The following CES5A variants were observed in gnomAD, a reference collection of about 807,000 sequenced individuals.
CES5A encodes carboxylesterase 5.
In CES5A, 67 loss-of-function variants were observed where a neutral mutation model predicts 62.9. That is an observed-to-expected ratio of 1.07 (90% CI 0.88 to 1.31). The LOEUF is 1.31. Ranked by LOEUF, CES5A falls within the 50% of genes most tolerant of loss-of-function variation. The pLI is 0.00. For synonymous variants in CES5A, 296 were observed against 280.8 expected, an observed-to-expected ratio of 1.05 and a Z score of -0.54; for missense variants, 748 against 708.5, an observed-to-expected ratio of 1.06 and a Z score of -0.63.
At chr16:55,886,498 T>G (rs1334900541) in intron 1 of CES5A, among the ~76,000 whole-genome samples, 1 of 152,198 alleles carries the variant, frequency 6.6e-6, no homozygotes, top group South Asian at 2.1e-4. Flanking sequence ...TCCTCAGCCA[T>G]GCAGTTCTTG....
At chr16:55,913,441 G>C (rs1328112444) in intron 1 of CES5A, among the ~76,000 whole-genome samples, 1 of 152,186 alleles carries the variant, frequency 6.6e-6, no homozygotes, top group Non-Finnish European at 1.5e-5. Flanking sequence ...CATGACCCCT[G>C]AACTGTAATT....
intron 1 of CES5A, among the ~76,000 whole-genome samples, chr16:55,908,744 G>A (rs757569043): frequency 3.3e-5 from 5 of 152,110 alleles, no homozygotes; most frequent in South Asian, 2.1e-4. Flanking sequence ...TGCAATTCCC[G>A]CAGTTTAGTT....
chr16:55,888,871 G>A (rs181898360), intron 1 of CES5A, among the ~76,000 whole-genome samples: 6 of 152,136 alleles, frequency 3.9e-5, no homozygotes, highest in Admixed American at 1.3e-4. Context: ...CATGCTATTC[G>A]GCCTTTCCCA....
At chr16:55,860,458 T>C (rs1447600546) in intron 7 of CES5A, among the ~76,000 whole-genome samples, 1 of 82,568 alleles carries the variant, frequency 1.2e-5, no homozygotes, top group Non-Finnish European at 2.2e-5. Flanking sequence ...TTGGGGTGTA[T>C]AGCCCAGGAA....
chr16:55,853,858 G>A (rs1162757687), intron 9 of CES5A, among the ~76,000 whole-genome samples: 1 of 152,170 alleles, frequency 6.6e-6, no homozygotes, highest in African/African-American at 2.4e-5. Flanking sequence ...GAAAGGTGTT[G>A]CAGCTCAAAC....
intron 7 of CES5A, 78 bp from the exon 8 acceptor site, chr16:55,859,765 G>A: frequency 7.3e-7 from 1 of 1,367,628 alleles, no homozygotes; most frequent in African/African-American, 1.5e-5. Context: ...CCAAATCCTG[G>A]CCAAGAAAAG....
intron 5 of CES5A, among the ~76,000 whole-genome samples, chr16:55,865,541 A>G (rs1175919726): frequency 3.3e-5 from 5 of 152,242 alleles, no homozygotes; most frequent in Admixed American, 6.5e-5. Context: ...CTCTGCAAAC[A>G]TAAGGCCCTG....
intron 9 of CES5A, among the ~76,000 whole-genome samples, chr16:55,853,253 C>A (rs762618985): frequency 3.9e-5 from 6 of 152,218 alleles, no homozygotes; most frequent in Non-Finnish European, 8.8e-5. Flanking sequence ...AACCATGATT[C>A]TTTCACAAGT....
chr16:55,919,639 A>G (rs933148877), intron 1 of CES5A, among the ~76,000 whole-genome samples: 1 of 152,236 alleles, frequency 6.6e-6, no homozygotes, highest in Non-Finnish European at 1.5e-5. Context: ...AACCTTTGTG[A>G]ATGATTTTCT....
intron 1 of CES5A, among the ~76,000 whole-genome samples, chr16:55,887,981 AT>A (rs1214536004): frequency 6.6e-6 from 1 of 152,042 alleles, no homozygotes; most frequent in Non-Finnish European, 1.5e-5. Flanking sequence ...CTAACTTGCA[AT>A]TTTTCTATCA....
intron 1 of CES5A, among the ~76,000 whole-genome samples, chr16:55,900,483 C>G (rs894178549): frequency 3.3e-5 from 5 of 152,114 alleles, no homozygotes; most frequent in African/African-American, 9.7e-5. Context: ...GCCTTTCACT[C>G]TAAAAGAATG....
intron 1 of CES5A, among the ~76,000 whole-genome samples, chr16:55,874,846 A>C (rs2033664894): frequency 6.6e-6 from 1 of 152,200 alleles, no homozygotes; most frequent in Admixed American, 6.5e-5. Flanking sequence ...CGCAGCCAGG[A>C]GTGCAGAAGC....
intron 1 of CES5A, among the ~76,000 whole-genome samples, chr16:55,889,508 A>G (rs2033852500): frequency 6.6e-6 from 1 of 152,176 alleles, no homozygotes. Context: ...TACAAAGGAT[A>G]CAAGTGAACA....
intron 7 of CES5A, among the ~76,000 whole-genome samples, chr16:55,859,902 G>A (rs1485641684): frequency 6.6e-6 from 1 of 152,164 alleles, no homozygotes; most frequent in Non-Finnish European, 1.5e-5. Context: ...ACTTGTCTGT[G>A]CCTTATTTTC....
At chr16:55,928,193 A>G (rs2034277430), upstream of CES5A, among the ~76,000 whole-genome samples, 1 of 152,118 alleles carries the variant, frequency 6.6e-6, no homozygotes, top group African/African-American at 2.4e-5. Context: ...CAGTGAGCCA[A>G]GATCGAGCCA....
Position 55,899,333 on chromosome 16 carries a change from G to A in CES5A, c.-255-25296C>T, listed in dbSNP as rs112433720. ...GGCTTCCTGGATAAGGTTTCCAAAT[G>A]AGAATGGCTAGAAAAGCACCTTGCC... On this transcript the variant is annotated intron_variant, in intron 1 of 12. Transcript: ENST00000518005. Among the ~76,000 whole-genome samples the A allele has an allele frequency of 7.7e-3, 1,173 of 152,276 alleles. 11 individuals are homozygous for A. The highest frequency in any genetic ancestry group is 0.019 in the Admixed American group (288 of 15,300).
chr16:55,918,306 T>C (rs1374300918), intron 1 of CES5A, among the ~76,000 whole-genome samples: 2 of 152,186 alleles, frequency 1.3e-5, no homozygotes, highest in East Asian at 3.9e-4. Context: ...CTCCCCTTGG[T>C]GGCTGGATGT....
chr16:55,914,916 G>A (rs1268066908), intron 1 of CES5A, among the ~76,000 whole-genome samples: 11 of 152,156 alleles, frequency 7.2e-5, no homozygotes, highest in Admixed American at 3.3e-4. Context: ...GTTAACATTA[G>A]GGAAAGCTCA....
At chr16:55,901,523 A>G (rs1179007870) in intron 1 of CES5A, among the ~76,000 whole-genome samples, 1 of 152,222 alleles carries the variant, frequency 6.6e-6, no homozygotes, top group Non-Finnish European at 1.5e-5. Context: ...CTGCCCAACC[A>G]TACAGTTTGG....
Sources: gnomAD v4.1 joint callset for allele counts (sites outside exome capture counted in the v4.1 genomes callset) on GRCh38, gnomAD v4.1.1 for gene constraint, MANE v1.5 for transcripts, NCBI Gene and HGNC (gene_info 2026-07-23, HGNC 2026-07-21) for gene names.